PCDHGA5: variants seen among roughly 807,000 people sequenced by gnomAD.
PCDHGA5 encodes the protein protocadherin gamma subfamily A, 5.
A neutral mutation model predicts 56.7 loss-of-function variants in PCDHGA5; 36 were observed. The observed-to-expected ratio is 0.64, with a 90% CI of 0.49 to 0.84. The LOEUF (loss-of-function observed/expected upper bound fraction) is 0.84, where lower values mean the gene tolerates loss of function less well. PCDHGA5 is among the 40% of genes least tolerant of loss of function. The pLI is 0.00. For missense variants in PCDHGA5, 1,305 were observed against 1,201.5 expected, an observed-to-expected ratio of 1.09 and a Z score of -1.27; for synonymous variants, 563 against 520.2, an observed-to-expected ratio of 1.08 and a Z score of -1.12.
intron 1 of PCDHGA5, among the ~76,000 whole-genome samples, chr5:141,482,981 A>T (rs1377809325): frequency 6.7e-6 from 1 of 150,250 alleles, no homozygotes; most frequent in Admixed American, 6.6e-5. Flanking sequence ...GCTACTTGAG[A>T]GGTCGAGGCA....
At chr5:141,384,107 G>T in intron 1 of PCDHGA5, 3 of 1,602,850 alleles carry the variant, frequency 1.9e-6, no homozygotes, top group Non-Finnish European at 2.6e-6. Context: ...AATTATTATA[G>T]ATTGGTCACA....
rs747004585 is a variant in PCDHGA5, at chr5:141,365,899, G to A, written c.1569G>A (p.Glu523=). 1 of 1,614,198 alleles carries A rather than the reference G, an allele frequency of 6.2e-7. No individual in the cohort carries two copies. Among genetic ancestry groups the A allele is most frequent in the Non-Finnish European group, 8.5e-7 (1 of 1,180,020 alleles). ...ATGCTCTGAGATCCTTCGACTATGA[G>A]CAGTTGAGAGACCTACAGTTGTGGG... is the stretch of plus-strand genomic sequence containing the variant. The part of the protein sequence containing the change: ...VLYALRSFDY[E]QLRDLQLWVT... The change falls in exon 1 of 4, where the codon GAG becomes GAA. Residue 523 remains glutamate (E), a synonymous_variant. Coordinates refer to ENST00000518069, the MANE Select transcript of PCDHGA5 (RefSeq NM_018918.3).
intron 1 of PCDHGA5, chr5:141,419,864 C>A (rs1282571542): frequency 6.2e-7 from 1 of 1,613,966 alleles, no homozygotes; most frequent in Non-Finnish European, 8.5e-7. Context: ...AGATAGCTTG[C>A]AAGAGGTACT....
At chr5:141,488,189 T>G (rs574621860) in intron 1 of PCDHGA5, among the ~76,000 whole-genome samples, 2 of 152,316 alleles carry the variant, frequency 1.3e-5, no homozygotes, top group Non-Finnish European at 2.9e-5. Context: ...TCTTTTGGTC[T>G]GGGTCTTAGG....
chr5:141,455,364 G>C (rs2098820282), intron 1 of PCDHGA5, among the ~76,000 whole-genome samples: 1 of 152,252 alleles, frequency 6.6e-6, no homozygotes, highest in South Asian at 2.1e-4. Flanking sequence ...TAGGCAAGAA[G>C]GAAGGGAGAA....
At chr5:141,426,767 A>G (rs1219028777) in intron 1 of PCDHGA5, 1 of 456,548 alleles carries the variant, frequency 2.2e-6, no homozygotes, top group Admixed American at 2.3e-5. Flanking sequence ...ATGCAGATGT[A>G]GGGCCTCACT....
chr5:141,500,498 C>T (rs1487770160), intron 2 of PCDHGA5, among the ~76,000 whole-genome samples: 5 of 152,120 alleles, frequency 3.3e-5, no homozygotes, highest in African/African-American at 7.2e-5. Context: ...CGTGAGCCAC[C>T]GCGCCTGGCC....
At chr5:141,447,988 A>C (rs1234413003) in intron 1 of PCDHGA5, among the ~76,000 whole-genome samples, 1 of 152,018 alleles carries the variant, frequency 6.6e-6, no homozygotes, top group Non-Finnish European at 1.5e-5. Flanking sequence ...CGGGAGGCTG[A>C]GGCATGAGAA....
chr5:141,463,990 G>C (rs2099073582), intron 1 of PCDHGA5, among the ~76,000 whole-genome samples: 1 of 151,990 alleles, frequency 6.6e-6, no homozygotes, highest in Admixed American at 6.6e-5. Context: ...TAAAAACCAG[G>C]TGCAGTGGCT....
intron 2 of PCDHGA5, among the ~76,000 whole-genome samples, chr5:141,500,399 C>T (rs966328306): frequency 1.3e-5 from 2 of 151,806 alleles, no homozygotes; most frequent in South Asian, 2.1e-4. Context: ...TTAGTAGAGA[C>T]GGGGTTTCAC....
At position 141,414,606 on chromosome 5, in the gene PCDHGA5, A is replaced by G. The variant is rs760846889; in HGVS notation, c.2421+47855A>G. ...ACGCCAGGGGTGCCTCCATCTTCTCAGTGACAGCGCTGGACCCGGACAGCA... is the reference window on the plus strand; with the variant it reads ...ACGCCAGGGGTGCCTCCATCTTCTCGGTGACAGCGCTGGACCCGGACAGCA... On this transcript the variant is annotated intron_variant, in intron 1 of 3. Coordinates refer to ENST00000518069, the MANE Select transcript of PCDHGA5 (RefSeq NM_018918.3). The G allele has an allele frequency of 1.6e-5, 26 of 1,613,826 alleles. No homozygotes were observed. In the East Asian group the frequency reaches 5.6e-4, roughly 35 times the overall value.
chr5:141,425,835 T>C (rs536839515), intron 1 of PCDHGA5, among the ~76,000 whole-genome samples: 1 of 152,256 alleles, frequency 6.6e-6, no homozygotes, highest in Admixed American at 6.5e-5. Flanking sequence ...TTTTAAATTC[T>C]CTTTGCTGGG....
intron 1 of PCDHGA5, chr5:141,404,696 G>T: frequency 6.2e-7 from 1 of 1,614,104 alleles, no homozygotes; most frequent in South Asian, 1.1e-5. Flanking sequence ...ACCCCGCTCT[G>T]CAGAGCCTGG....
chr5:141,379,845 AC>A (rs1334954085), intron 1 of PCDHGA5, among the ~76,000 whole-genome samples: 3 of 138,852 alleles, frequency 2.2e-5, no homozygotes. Context: ...AAAAAAAACT[AC>A]CAAATTATTG....
At chr5:141,389,823 G>C in intron 1 of PCDHGA5, 11 of 1,613,944 alleles carry the variant, frequency 6.8e-6, no homozygotes, top group Non-Finnish European at 6.8e-6. Flanking sequence ...CGTGCGTGAC[G>C]GTGGACAGCC....
Position 141,366,357 on chromosome 5 carries a change from G to A in PCDHGA5, c.2027G>A (p.Gly676Asp). ...ATCCCTGACATCCTGGCTGACCTAG[G>A]CAGTATCAAGACCCCCATTGACCCT... ...DRIPDILADL[G>D]SIKTPIDPED... Residue 676 changes from glycine (G) to aspartate (D), a missense_variant, in exon 1 of 4, where the codon GGC (glycine) becomes GAC (aspartate). Coordinates refer to ENST00000518069, the MANE Select transcript of PCDHGA5 (RefSeq NM_018918.3). 1 of 1,614,020 alleles carries A rather than the reference G, an allele frequency of 6.2e-7. No homozygotes were observed. The highest frequency in any genetic ancestry group is 8.5e-7 in the Non-Finnish European group (1 of 1,180,050).
intron 1 of PCDHGA5, chr5:141,420,411 T>C: frequency 8.1e-7 from 1 of 1,229,398 alleles, no homozygotes; most frequent in Non-Finnish European, 1.1e-6. Context: ...ATGGTTATCA[T>C]TATTAAAACA....
intron 1 of PCDHGA5, chr5:141,422,082 G>A (rs2096622921): frequency 6.2e-7 from 1 of 1,612,284 alleles, no homozygotes; most frequent in East Asian, 2.2e-5. Context: ...TTCGGAACAT[G>A]GAAAGCAAGG....
At chr5:141,494,232 A>T (rs2099752983) in intron 1 of PCDHGA5, among the ~76,000 whole-genome samples, 1 of 152,168 alleles carries the variant, frequency 6.6e-6, no homozygotes, top group African/African-American at 2.4e-5. Flanking sequence ...TCCTAAATTA[A>T]TAATGTATTT....
Sources: allele counts gnomAD v4.1 joint callset (sites outside exome capture counted in the v4.1 genomes callset), GRCh38; gene constraint gnomAD v4.1.1; transcripts MANE v1.5; gene names NCBI Gene and HGNC (gene_info 2026-07-23, HGNC 2026-07-21).